Variants in KCND2 observed in about 807,000 individuals in gnomAD.
KCND2 encodes A-type voltage-gated potassium channel KCND2.
In KCND2, 16 loss-of-function variants were observed where a neutral mutation model predicts 54.4. The ratio of observed to expected loss-of-function variants is 0.29; its 90% confidence interval spans 0.20 to 0.45. KCND2 has a LOEUF of 0.45. Among genes scored for constraint, KCND2 ranks in the 20% least tolerant of loss-of-function variants. KCND2 has a pLI of 1.00. For missense variants in KCND2, 486 were observed against 824.2 expected, an observed-to-expected ratio of 0.59 and a Z score of 5.02; for synonymous variants, 317 against 310.7, an observed-to-expected ratio of 1.02 and a Z score of -0.21.
At chr7:120,330,543 T>TAGA (rs1800050815) in intron 1 of KCND2, among the ~76,000 whole-genome samples, 2 of 116,842 alleles carry the variant, frequency 1.7e-5, no homozygotes, top group Non-Finnish European at 3.2e-5. Context: ...ATTGTGCCAC[T>TAGA]GCACTCCAGC....
intron 1 of KCND2, among the ~76,000 whole-genome samples, chr7:120,590,959 AT>A (rs1000306693): frequency 6.6e-6 from 1 of 151,558 alleles, no homozygotes; most frequent in Non-Finnish European, 1.5e-5. Flanking sequence ...ATGGTTGAAT[AT>A]TTTTTTTCTT....
chr7:120,568,740 C>T (rs1277882986), intron 1 of KCND2, among the ~76,000 whole-genome samples: 2 of 152,000 alleles, frequency 1.3e-5, no homozygotes, highest in African/African-American at 4.8e-5. Context: ...ATCCCCTTAT[C>T]AATAAAATGA....
intron 1 of KCND2, among the ~76,000 whole-genome samples, chr7:120,690,462 C>T (rs1339564792): frequency 2.0e-5 from 3 of 152,150 alleles, no homozygotes; most frequent in Admixed American, 6.5e-5. Flanking sequence ...AGGAGAACCA[C>T]GTGCTTGCAC....
rs1793027506 is a variant in KCND2, at chr7:120,748,010, T to G, written c.*152T>G. On this transcript the variant is annotated 3_prime_UTR_variant, in exon 6 of 6. Coordinates refer to ENST00000331113, the MANE Select transcript of KCND2 (RefSeq NM_012281.3). Reference sequence around the variant, plus strand: ...CACAAAGCTTCCAATCTTAAGGATGTGAATAAAACCACCAAATGGCATTTC... The same window carrying G: ...CACAAAGCTTCCAATCTTAAGGATGGGAATAAAACCACCAAATGGCATTTC... The G allele has an allele frequency of 1.5e-6, 1 of 662,022 alleles. No homozygotes were observed. The highest frequency in any genetic ancestry group is 2.8e-5 in the East Asian group (1 of 35,884). The allele number at this position is 662,022 out of a possible 1,614,324, so 41.0% of individuals were successfully genotyped here. A position where few individuals can be genotyped will look rare whatever the true frequency, so the allele number is the denominator to read the frequency against.
rs1051284371 is a variant in KCND2, at chr7:120,749,218, A to C, written c.*1360A>C. The C allele has an allele frequency of 4.6e-5, 7 of 151,976 alleles. No homozygotes were observed. The highest frequency in any genetic ancestry group is 8.8e-5 in the Non-Finnish European group (6 of 67,866). 9.4% of individuals were successfully genotyped at this position (151,976 alleles called of 1,614,324 possible). On this transcript the variant is annotated 3_prime_UTR_variant, in exon 6 of 6. Coordinates refer to ENST00000331113, the MANE Select transcript of KCND2 (RefSeq NM_012281.3). ...GCTTTATTTAGCAATATTTGATGAA[A>C]GCATGCTTTCTACGCCATTCAGGAA...
At chr7:120,295,759 T>C (rs950415843) in intron 1 of KCND2, among the ~76,000 whole-genome samples, 2 of 152,074 alleles carry the variant, frequency 1.3e-5, no homozygotes, top group Non-Finnish European at 2.9e-5. Flanking sequence ...AGAAACTTTA[T>C]GAATTAAGTG....
intron 1 of KCND2, among the ~76,000 whole-genome samples, chr7:120,350,610 T>C (rs1472108487): frequency 2.0e-5 from 3 of 152,214 alleles, no homozygotes; most frequent in Non-Finnish European, 4.4e-5. Flanking sequence ...TTCAGTACAA[T>C]GACTATTTTC....
intron 4 of KCND2, 96 bp from the exon 5 acceptor site, chr7:120,745,684 T>C (rs1157775558): frequency 2.1e-5 from 27 of 1,288,112 alleles, no homozygotes; most frequent in Non-Finnish European, 2.9e-5. Flanking sequence ...AGTCTAACTA[T>C]ACTTGGGCAG....
intron 1 of KCND2, among the ~76,000 whole-genome samples, chr7:120,654,324 A>G (rs531529439): frequency 6.6e-6 from 1 of 152,240 alleles, no homozygotes; most frequent in African/African-American, 2.4e-5. Flanking sequence ...AATTTTCAAC[A>G]TAAAACAGTT....
chr7:120,649,256 C>A (rs368679547), intron 1 of KCND2, among the ~76,000 whole-genome samples: 1 of 151,500 alleles, frequency 6.6e-6, no homozygotes, highest in Non-Finnish European at 1.5e-5. Context: ...TGCATCATTA[C>A]TCACACATTA....
intron 1 of KCND2, among the ~76,000 whole-genome samples, chr7:120,635,896 A>G (rs543439475): frequency 3.3e-5 from 5 of 152,314 alleles, no homozygotes; most frequent in South Asian, 4.1e-4. Context: ...TGATTTCAAA[A>G]CATTTAAAAC....
chr7:120,658,720 C>T (rs973866059), intron 1 of KCND2, among the ~76,000 whole-genome samples: 2 of 152,204 alleles, frequency 1.3e-5, no homozygotes, highest in African/African-American at 4.8e-5. Flanking sequence ...CTAGCCCCAA[C>T]ATGCCAAGGA....
chr7:120,586,067 A>G (rs1178435187), intron 1 of KCND2, among the ~76,000 whole-genome samples: 1 of 152,084 alleles, frequency 6.6e-6, no homozygotes, highest in East Asian at 1.9e-4. Context: ...CTTGATTTCT[A>G]TAGATTGTTT....
intron 1 of KCND2, among the ~76,000 whole-genome samples, chr7:120,446,545 AAC>A (rs150533505): frequency 1.5e-4 from 21 of 138,612 alleles, no homozygotes; most frequent in Non-Finnish European, 2.7e-4. Context: ...CCATATTATA[AAC>A]ACACACACAC....
At chr7:120,316,928 C>T (rs568762151) in intron 1 of KCND2, among the ~76,000 whole-genome samples, 13 of 152,004 alleles carry the variant, frequency 8.6e-5, no homozygotes, top group Middle Eastern at 3.4e-3. Flanking sequence ...CTCTGCCTCC[C>T]GGGTTCAAGC....
chr7:120,350,507 G>T (rs1800385736), intron 1 of KCND2, among the ~76,000 whole-genome samples: 1 of 152,070 alleles, frequency 6.6e-6, no homozygotes, highest in African/African-American at 2.4e-5. Context: ...AGCTTTAACA[G>T]TGCACTAATG....
At chr7:120,543,189 T>C (rs1192371840) in intron 1 of KCND2, among the ~76,000 whole-genome samples, 1 of 152,058 alleles carries the variant, frequency 6.6e-6, no homozygotes, top group Non-Finnish European at 1.5e-5. Flanking sequence ...TCCAGATTCT[T>C]TCTCTGATAT....
intron 1 of KCND2, among the ~76,000 whole-genome samples, chr7:120,377,641 T>C (rs1800853587): frequency 6.6e-6 from 1 of 151,918 alleles, no homozygotes; most frequent in Admixed American, 6.6e-5. Flanking sequence ...AAGCCTGACA[T>C]TTAGATTCTT....
At chr7:120,604,775 T>TC (rs149876960) in intron 1 of KCND2, among the ~76,000 whole-genome samples, 1 of 151,846 alleles carries the variant, frequency 6.6e-6, no homozygotes, top group Admixed American at 6.6e-5. Context: ...ACAAGAAAAA[T>TC]TTTTTTATGG....
Sources: allele counts gnomAD v4.1 joint callset (sites outside exome capture counted in the v4.1 genomes callset), GRCh38; gene constraint gnomAD v4.1.1; transcripts MANE v1.5; gene names NCBI Gene and HGNC (gene_info 2026-07-23, HGNC 2026-07-21).